Variants in HCN1 observed in about 807,000 individuals in gnomAD.
HCN1 encodes the protein potassium/sodium hyperpolarization-activated cyclic nucleotide-gated channel 1.
HCN1 carries 13 observed loss-of-function variants against 78.9 expected under a neutral mutation model. That is an observed-to-expected ratio of 0.16 (90% CI 0.11 to 0.26). The LOEUF is 0.26. Among genes scored for constraint, HCN1 ranks in the 10% least tolerant of loss-of-function variants. HCN1 has a pLI of 1.00. For synonymous variants in HCN1, 552 were observed against 455.5 expected (o/e 1.21, Z -2.70); for missense variants, 810 against 1,154.3 (o/e 0.70, Z 4.32).
intron 4 of HCN1, among the ~76,000 whole-genome samples, chr5:45,354,071 T>C (rs1393556774): frequency 2.0e-5 from 3 of 151,466 alleles, no homozygotes; most frequent in Non-Finnish European, 4.4e-5. Flanking sequence ...GAGAGATTGT[T>C]TGTAAGTAGC....
Position 45,307,375 on chromosome 5 carries a change from G to T in HCN1, c.1378-3536C>A, listed in dbSNP as rs140245876. Among the ~76,000 whole-genome samples, 371 of 152,076 alleles carry T rather than the reference G, an allele frequency of 2.4e-3. 8 individuals are homozygous for T. The highest frequency in any genetic ancestry group is 0.019 in the East Asian group (99 of 5,160). On this transcript the variant is annotated intron_variant, in intron 5 of 7. Coordinates refer to ENST00000303230, the MANE Select transcript of HCN1 (RefSeq NM_021072.4). Reference sequence around the variant, plus strand: ...ATTGAGCATGGGGACTTCCTTCAAAGAATACAATAAGGAAAAGAGGGGAAA... The same window carrying T: ...ATTGAGCATGGGGACTTCCTTCAAATAATACAATAAGGAAAAGAGGGGAAA...
At chr5:45,310,294 T>C (rs1468761495) in intron 5 of HCN1, among the ~76,000 whole-genome samples, 1 of 151,880 alleles carries the variant, frequency 6.6e-6, no homozygotes, top group Non-Finnish European at 1.5e-5. Context: ...CCAGCATCTA[T>C]AGTAACTTAA....
At chr5:45,431,103 G>T (rs144448363) in intron 3 of HCN1, among the ~76,000 whole-genome samples, 88 of 152,218 alleles carry the variant, frequency 5.8e-4, no homozygotes, top group African/African-American at 1.7e-3. Context: ...ACCAGCATCT[G>T]TTATTTTTTG....
chr5:45,623,254 A>C (rs1244922206), intron 2 of HCN1, among the ~76,000 whole-genome samples: 1 of 152,170 alleles, frequency 6.6e-6, no homozygotes, highest in Non-Finnish European at 1.5e-5. Flanking sequence ...CTGAACAAGC[A>C]GGCACTCAGT....
intron 2 of HCN1, among the ~76,000 whole-genome samples, chr5:45,639,735 T>G (rs1030899873): frequency 2.6e-5 from 4 of 152,190 alleles, no homozygotes; most frequent in African/African-American, 9.7e-5. Flanking sequence ...GTACTGTGTT[T>G]GACACCGACT....
At chr5:45,314,611 G>A (rs1745937331) in intron 5 of HCN1, among the ~76,000 whole-genome samples, 1 of 152,070 alleles carries the variant, frequency 6.6e-6, no homozygotes, top group Non-Finnish European at 1.5e-5. Flanking sequence ...CTATATTCAG[G>A]ACCCATTAAT....
chr5:45,685,712 C>CAA (rs201175418), intron 1 of HCN1, among the ~76,000 whole-genome samples: 1 of 131,242 alleles, frequency 7.6e-6, no homozygotes, highest in Non-Finnish European at 1.6e-5. Context: ...AACTCCATCT[C>CAA]AAAAAAAAAA....
intron 5 of HCN1, among the ~76,000 whole-genome samples, chr5:45,325,139 T>C (rs1184436240): frequency 6.6e-6 from 1 of 151,744 alleles, no homozygotes; most frequent in Admixed American, 6.6e-5. Context: ...AGAAAAAAAT[T>C]GCTTCACTGA....
intron 3 of HCN1, among the ~76,000 whole-genome samples, chr5:45,423,700 G>T (rs149228378): frequency 1.3e-5 from 2 of 152,100 alleles, no homozygotes; most frequent in Non-Finnish European, 1.5e-5. Context: ...AGCATCATCT[G>T]CTCTCAACTC....
Position 45,261,510 on chromosome 5 carries a change from T to C in HCN1, c.*411A>G, listed in dbSNP as rs1744734679. 1 of 155,804 alleles carries C rather than the reference T, an allele frequency of 6.4e-6. No homozygotes were observed. Among genetic ancestry groups the C allele is most frequent in the African/African-American group, 2.4e-5 (1 of 41,480 alleles). The allele number at this position is 155,804 out of a possible 1,614,324, so 9.7% of individuals were successfully genotyped here. The stretch of plus-strand genomic sequence containing the variant: ...CACAGCTAATGAAAGAAAGTTTTGA[T>C]TGGTGCTATTTACTAGTTCATTTGA... On this transcript the variant is annotated 3_prime_UTR_variant, in exon 8 of 8. Transcript: ENST00000303230.
At chr5:45,340,049 G>C (rs908689535) in intron 5 of HCN1, among the ~76,000 whole-genome samples, 1 of 152,092 alleles carries the variant, frequency 6.6e-6, no homozygotes, top group African/African-American at 2.4e-5. Flanking sequence ...CTCCCTAGTA[G>C]CTGGGATTAC....
Position 45,482,930 on chromosome 5 carries a change from A to G in HCN1, c.850-20923T>C, listed in dbSNP as rs186581156. Among the ~76,000 whole-genome samples the G allele has an allele frequency of 2.0e-5, 3 of 152,344 alleles. No homozygotes were observed. In the East Asian group the frequency reaches 5.8e-4, roughly 29 times the overall value. ...AGCCCCAACTATGTTGCTGCAAAAC[A>G]TATGATTTCATTTCTTTTAAATGGC... On this transcript the variant is annotated intron_variant, in intron 2 of 7. Transcript: ENST00000303230.
At chr5:45,349,937 C>T (rs1225558454) in intron 5 of HCN1, among the ~76,000 whole-genome samples, 4 of 152,080 alleles carry the variant, frequency 2.6e-5, no homozygotes, top group Admixed American at 2.0e-4. Context: ...CCGAATTCCA[C>T]CAGAGGTACA....
Position 45,461,867 on chromosome 5 carries a change from C to G in HCN1, c.990G>C (p.Trp330Cys), listed in dbSNP as rs794727517. 1 of 1,613,106 alleles carries G rather than the reference C, an allele frequency of 6.2e-7. No homozygotes were observed. Among genetic ancestry groups the G allele is most frequent in the Non-Finnish European group, 8.5e-7 (1 of 1,179,572 alleles). Residue 330 changes from tryptophan to cysteine, a missense_variant, in exon 3 of 8, where the codon TGG becomes TGC. This residue lies in a region of HCN1 where 104 missense variants were observed against 402.8 expected (regional missense o/e 0.26). Transcript: ENST00000303230. Reference protein sequence around the residue: ...PLLQDFPPDCWVSLNEMVNDS... With the variant: ...PLLQDFPPDCCVSLNEMVNDS... Reference sequence around the variant, plus strand: ...TTACAACCATTTCATTTAAAGACACCCAGCAATCTGGTGGGAAGTCCTGCA... The same window carrying G: ...TTACAACCATTTCATTTAAAGACACGCAGCAATCTGGTGGGAAGTCCTGCA...
At chr5:45,548,752 G>C (rs1256792427) in intron 2 of HCN1, among the ~76,000 whole-genome samples, 1 of 152,106 alleles carries the variant, frequency 6.6e-6, no homozygotes, top group East Asian at 1.9e-4. Context: ...AAACCCCATT[G>C]TCTCAGCTCA....
At chr5:45,572,108 C>T (rs1179995737) in intron 2 of HCN1, among the ~76,000 whole-genome samples, 1 of 152,104 alleles carries the variant, frequency 6.6e-6, no homozygotes, top group Non-Finnish European at 1.5e-5. Context: ...CATTTGTACA[C>T]ATTATATCTA....
chr5:45,608,897 A>G (rs941978762), intron 2 of HCN1, among the ~76,000 whole-genome samples: 13 of 152,078 alleles, frequency 8.5e-5, no homozygotes, highest in African/African-American at 3.1e-4. Context: ...AATGTGTCTT[A>G]TAAGTGACTC....
At chr5:45,479,490 G>A (rs1377041720) in intron 2 of HCN1, among the ~76,000 whole-genome samples, 2 of 152,146 alleles carry the variant, frequency 1.3e-5, no homozygotes, top group African/African-American at 4.8e-5. Context: ...AATTGTTGTT[G>A]GAATAGTTCA....
rs1051820929 is a variant in HCN1, at chr5:45,645,437, G to A, written c.597C>T (p.Val199=). Residue 199 remains valine, a synonymous_variant, in exon 2 of 8, where the codon GTC becomes GTT. Transcript: ENST00000303230. ...GGATGATTTCAGAACTGTCTTCATT[G>A]ACAGTCCCAGTCCTAAAATTCATGA... ...DLIMNFRTGT[V]NEDSSEIILD... is the part of the protein sequence containing the mutation. The A allele has an allele frequency of 2.1e-5, 34 of 1,613,516 alleles. No homozygotes were observed. The highest frequency in any genetic ancestry group is 2.8e-5 in the Non-Finnish European group (33 of 1,179,768).
Sources: allele counts gnomAD v4.1 joint callset (sites outside exome capture counted in the v4.1 genomes callset), GRCh38; gene constraint gnomAD v4.1.1; regional missense constraint gnomAD v4.1.1; transcripts MANE v1.5; gene names NCBI Gene and HGNC (gene_info 2026-07-23, HGNC 2026-07-21).